Variants in MCCC1 observed in about 807,000 individuals in gnomAD.
MCCC1 encodes the protein methylcrotonoyl-CoA carboxylase subunit alpha, mitochondrial.
Under a neutral mutation model 83.8 loss-of-function variants are expected in MCCC1, and 64 were observed. That is an observed-to-expected ratio of 0.76 (90% CI 0.62 to 0.94). MCCC1 has a LOEUF of 0.94. Among genes scored for constraint, MCCC1 ranks in the 40% least tolerant of loss-of-function variants. The pLI is 0.00. For synonymous variants in MCCC1, 322 were observed against 315.4 expected (o/e 1.02, Z -0.22); for missense variants, 807 against 904.7 (o/e 0.89, Z 1.39).
Position 183,037,220 on chromosome 3 carries a change from T to C in MCCC1, c.1592A>G (p.His531Arg), listed in dbSNP as rs749202264. 1.1e-5 allele frequency: 17 copies of C among 1,613,406 alleles called. No individual in the cohort carries two copies. The highest frequency in any genetic ancestry group is 2.2e-5 in the East Asian group (1 of 44,872). Reference protein sequence around the residue: ...AMTDTFTLQAHDQFSPFSSSS... With the variant: ...AMTDTFTLQARDQFSPFSSSS... ...GGAAAGAGAAAAGCCTTCCATACCA[T>C]GTGCCTGAAGAGTGAAAGTGTCGGT... is the stretch of plus-strand genomic sequence containing the variant. The change falls in exon 13 of 19, where the codon CAT (histidine) becomes CGT (arginine). Residue 531 changes from histidine to arginine, a missense_variant and splice_region_variant. Physicochemically the swap from His to Arg is conservative, Grantham distance 29 (BLOSUM62 0). Transcript: ENST00000265594.
At chr3:183,092,338 C>G (rs1718419447) in intron 3 of MCCC1, 71 bp downstream of exon 3, 1 of 1,598,576 alleles carries the variant, frequency 6.3e-7, no homozygotes, top group Admixed American at 1.7e-5. Context: ...CAACTGTCAT[C>G]ATAAAGAACG....
chr3:183,106,817 C>A (rs543714153), intron 1 of MCCC1, among the ~76,000 whole-genome samples: 205 of 152,004 alleles, frequency 1.3e-3, no homozygotes, highest in Admixed American at 2.5e-3. Flanking sequence ...TATTTTATCG[C>A]ATTTGCTTTA....
chr3:183,021,282 T>C (rs1712144317), intron 16 of MCCC1, among the ~76,000 whole-genome samples: 1 of 152,138 alleles, frequency 6.6e-6, no homozygotes, highest in Non-Finnish European at 1.5e-5. Context: ...TGGAGTGCAG[T>C]GGCACAATCA....
chr3:183,017,289 C>A lies in MCCC1; in HGVS notation c.2026G>T (p.Val676Phe), dbSNP rs759732639. 6.8e-6 allele frequency: 11 copies of A among 1,613,814 alleles called. No individual in the cohort carries two copies. In the South Asian group the frequency reaches 1.2e-4, roughly 18 times the overall value. ...ACCTCCATCTTCATGGCGATCATAACCATGAGGGAATCTCCCGCTTTCACT... is the reference window on the plus strand; with the variant it reads ...ACCTCCATCTTCATGGCGATCATAAACATGAGGGAATCTCCCGCTTTCACT... ...DKVKAGDSLM[V>F]MIAMKMEHTI... The change falls in exon 18 of 19, where the codon GTT becomes TTT. Residue 676 changes from valine (V) to phenylalanine (F), a missense_variant. By Grantham distance (50) the Val-to-Phe change is conservative. Transcript: ENST00000265594.
intron 1 of MCCC1, among the ~76,000 whole-genome samples, chr3:183,113,736 C>T (rs1576861469): frequency 6.6e-6 from 1 of 151,752 alleles, no homozygotes; most frequent in African/African-American, 2.4e-5. Context: ...AAAAAAGGGT[C>T]CTTTATAATA....
At chr3:183,091,750 G>C (rs1316915746) in intron 3 of MCCC1, among the ~76,000 whole-genome samples, 2 of 151,902 alleles carry the variant, frequency 1.3e-5, no homozygotes, top group Non-Finnish European at 2.9e-5. Context: ...GCTAAGAATA[G>C]AGCCTGGATT....
At chr3:183,021,318 G>A (rs1474691973) in intron 16 of MCCC1, among the ~76,000 whole-genome samples, 3 of 152,142 alleles carry the variant, frequency 2.0e-5, no homozygotes, top group South Asian at 2.1e-4. Context: ...TTGAACTCCT[G>A]AGCCTATTAA....
chr3:183,101,164 A>G (rs941302842), upstream of MCCC1, among the ~76,000 whole-genome samples: 1 of 152,198 alleles, frequency 6.6e-6, no homozygotes, highest in African/African-American at 2.4e-5. Flanking sequence ...GCAGCCCGCC[A>G]TGCCTGAACC....
At chr3:183,051,960 ATT>A (rs766732350) in intron 9 of MCCC1, among the ~76,000 whole-genome samples, 197 bp downstream of exon 9, 1 of 152,236 alleles carries the variant, frequency 6.6e-6, no homozygotes, top group Non-Finnish European at 1.5e-5. Context: ...TTAATGAAAC[ATT>A]TGTTTCAAAT....
intron 17 of MCCC1, among the ~76,000 whole-genome samples, chr3:183,019,108 G>A (rs772018684): frequency 2.6e-5 from 4 of 152,160 alleles, no homozygotes; most frequent in Non-Finnish European, 5.9e-5. Context: ...ATTTCCAAAC[G>A]AGAATAGTGG....
intron 8 of MCCC1, among the ~76,000 whole-genome samples, chr3:183,053,350 T>C (rs1253653744): frequency 1.3e-5 from 2 of 151,896 alleles, no homozygotes; most frequent in East Asian, 3.9e-4. Flanking sequence ...TGGCCAGGCA[T>C]GATAGCACAC....
chr3:183,087,713 A>C lies in MCCC1; in HGVS notation c.274-925T>G, dbSNP rs1717996627. 2.0e-5 allele frequency among the ~76,000 whole-genome samples: 3 copies of C among 151,014 alleles called. No homozygotes were observed. In the South Asian group the frequency reaches 6.3e-4, roughly 32 times the overall value. On this transcript the variant is annotated intron_variant, in intron 3 of 18. Coordinates refer to ENST00000265594, the MANE Select transcript of MCCC1 (RefSeq NM_020166.5). ...GAAACCCCATTTCTACTAAAAATAC[A>C]AAAAAAAATTAGCTGGGCGTGGTGG... is the stretch of plus-strand genomic sequence containing the variant.
intron 11 of MCCC1, 115 bp downstream of exon 11, chr3:183,041,452 T>G: frequency 8.8e-7 from 1 of 1,130,344 alleles, no homozygotes. Context: ...CTTAAATTCT[T>G]TATTTTAAAA....
intron 17 of MCCC1, among the ~76,000 whole-genome samples, chr3:183,018,171 C>A (rs1577232111): frequency 6.6e-6 from 1 of 152,318 alleles, no homozygotes; most frequent in African/African-American, 2.4e-5. Context: ...CAGAGGCCTA[C>A]AGCCCAAATG....
intron 1 of MCCC1, among the ~76,000 whole-genome samples, chr3:183,095,605 G>T (rs892784647): frequency 2.0e-5 from 3 of 152,078 alleles, no homozygotes; most frequent in African/African-American, 7.2e-5. Context: ...ACTTTTAAAA[G>T]ATTTTATTCC....
chr3:183,076,934 C>A (rs1007075874), intron 4 of MCCC1, among the ~76,000 whole-genome samples: 2 of 152,282 alleles, frequency 1.3e-5, no homozygotes, highest in Admixed American at 6.5e-5. Flanking sequence ...AATCTACTGT[C>A]TCTATAGATT....
chr3:183,034,266 C>A lies in MCCC1; in HGVS notation c.1595-189G>T, dbSNP rs567121361. 8.5e-5 allele frequency among the ~76,000 whole-genome samples: 13 copies of A among 152,070 alleles called. No individual in the cohort carries two copies. The East Asian group carries it at 2.1e-3, about 25-fold the overall frequency. ...GAGATCGAGACCATCCTAGCTAACA[C>A]GGTGAAACCCCGTCTCTACTAAAAA... On this transcript the variant is annotated intron_variant, in intron 13 of 18. Transcript: ENST00000265594.
At chr3:183,101,217 G>A (rs894827916), upstream of MCCC1, among the ~76,000 whole-genome samples, 5 of 152,220 alleles carry the variant, frequency 3.3e-5, no homozygotes, top group Admixed American at 6.5e-5. Context: ...AAGCCTCCCC[G>A]ATGAGCGCCA....
At chr3:183,021,803 C>T (rs563655605) in intron 16 of MCCC1, among the ~76,000 whole-genome samples, 8 of 152,206 alleles carry the variant, frequency 5.3e-5, no homozygotes, top group Non-Finnish European at 1.0e-4. Context: ...GGAATCTCAT[C>T]ACAAAGCACT....
Sources: gnomAD v4.1 joint callset for allele counts (sites outside exome capture counted in the v4.1 genomes callset) on GRCh38, gnomAD v4.1.1 for gene constraint, MANE v1.5 for transcripts, NCBI Gene and HGNC (gene_info 2026-07-23, HGNC 2026-07-21) for gene names.